CX3CR1: variants seen among roughly 807,000 people sequenced by gnomAD.
The protein encoded by CX3CR1 is CX3C chemokine receptor 1.
For synonymous variants in CX3CR1, 168 were observed against 178.5 expected (o/e 0.94, Z 0.47); for missense variants, 363 against 432.4 (o/e 0.84, Z 1.42).
intron 1 of CX3CR1, among the ~76,000 whole-genome samples, chr3:39,277,231 C>A (rs1285447332): frequency 6.6e-6 from 1 of 152,178 alleles, no homozygotes; most frequent in East Asian, 1.9e-4. Flanking sequence ...CAGCTGTGGC[C>A]AGCGTGCCGT....
At chr3:39,279,839 A>C (rs1007481078) in intron 1 of CX3CR1, 115 bp downstream of exon 1, 2 of 324,018 alleles carry the variant, frequency 6.2e-6, no homozygotes, top group Non-Finnish European at 8.9e-6. Flanking sequence ...AGGCTACAAC[A>C]TCCCCAGGAA....
rs2040689184 is a variant in CX3CR1 at position 39,265,881 on chromosome 3, C to A, written c.629G>T (p.Cys210Phe). Residue 210 changes from cysteine (C) to phenylalanine (F), a missense_variant, in exon 2 of 2, where the codon TGC becomes TTC. By Grantham distance (205) the Cys-to-Phe change is radical (BLOSUM62 -2). Coordinates refer to ENST00000399220, the MANE Select transcript of CX3CR1 (RefSeq NM_001337.4). ...FLLPLLIMSY[C>F]YFRIIQTLFS... ...CAGCGTCTGGATGATTCTGAAGTAG[C>A]AATAACTCATAATGAGCAGGGGGAG... 6.2e-7 allele frequency: 1 copy of A among 1,614,092 alleles called. No individual in the cohort carries two copies. Among genetic ancestry groups the A allele is most frequent in the African/African-American group, 1.3e-5 (1 of 74,918 alleles).
Position 39,266,412 on chromosome 3 carries a change from A to G in CX3CR1, c.98T>C (p.Phe33Ser). 1 of 1,614,222 alleles carries G rather than the reference A, an allele frequency of 6.2e-7. No individual in the cohort carries two copies. The highest frequency in any genetic ancestry group is 1.1e-5 in the South Asian group (1 of 91,082). ...GATGACGGAGTAGAATATGGACAGG[A>G]ACACAGTCCCAAAGACCACGATGTC... is the stretch of plus-strand genomic sequence containing the variant. ...IGDIVVFGTV[F>S]LSIFYSVIFA... Residue 33 changes from phenylalanine to serine, a missense_variant, in exon 2 of 2, where the codon TTC becomes TCC. By Grantham distance (155) the Phe-to-Ser change is radical (BLOSUM62 -2). Transcript: ENST00000399220.
At chr3:39,278,678 A>C (rs1450412792) in intron 1 of CX3CR1, among the ~76,000 whole-genome samples, 6 of 84,124 alleles carry the variant, frequency 7.1e-5, no homozygotes, top group African/African-American at 2.4e-4. Flanking sequence ...TTTTTTGTGG[A>C]GTGGGTGTTG....
intron 1 of CX3CR1, among the ~76,000 whole-genome samples, chr3:39,273,166 C>T (rs757384638): frequency 2.6e-5 from 4 of 152,236 alleles, no homozygotes; most frequent in African/African-American, 4.8e-5. Context: ...AATAGTAGAC[C>T]CAGGCCCCTT....
chr3:39,289,781 C>T, the CX3CR1 span, among the ~76,000 whole-genome samples: 1 of 152,118 alleles, frequency 6.6e-6, no homozygotes, highest in Non-Finnish European at 1.5e-5. Flanking sequence ...TCCAACAGGA[C>T]TGGTGTCCTT....
upstream of CX3CR1, chr3:39,280,080 A>C: frequency 1.0e-6 from 1 of 979,572 alleles, no homozygotes; most frequent in Non-Finnish European, 1.2e-6. Context: ...GAGTTAGCCA[A>C]TAGTATCTTG....
At chr3:39,285,944 C>T (rs1166422718), upstream of CX3CR1, 1 of 152,166 alleles carries the variant, frequency 6.6e-6, no homozygotes, top group Non-Finnish European at 1.5e-5. Context: ...AGCTTTAAAA[C>T]AGCCTTTTCT....
chr3:39,264,728 G>A lies in CX3CR1; in HGVS notation c.*714C>T, dbSNP rs11710546. 0.22 allele frequency: 33,551 copies of A among 152,396 alleles called. 4,122 individuals carry two copies. Among genetic ancestry groups the A allele is most frequent in the Middle Eastern group, 0.3 (89 of 294 alleles). The allele number at this position is 152,396 out of a possible 1,614,324, so 9.4% of individuals were successfully genotyped here. ...ACGAGGCTGGTGTAATCAGGGGAGAGGCTGGATCAGGCACATGGTAAGGGT... is the reference window on the plus strand; with the variant it reads ...ACGAGGCTGGTGTAATCAGGGGAGAAGCTGGATCAGGCACATGGTAAGGGT... On this transcript the variant is annotated 3_prime_UTR_variant, in exon 2 of 2. Transcript: ENST00000399220.
At chr3:39,278,463 C>T (rs888020289) in intron 1 of CX3CR1, among the ~76,000 whole-genome samples, 1 of 152,096 alleles carries the variant, frequency 6.6e-6, no homozygotes, top group South Asian at 2.1e-4. Flanking sequence ...AGCACAGGTC[C>T]GTCACCCACC....
In CX3CR1 at chr3:39,266,530, A is replaced by C; in HGVS notation, c.-9-12T>G. On this transcript the variant is annotated splice_polypyrimidine_tract_variant and intron_variant, in intron 1 of 1. Transcript: ENST00000399220. ...TCCATGGTGAAGGCCTGGATCAGAAAGAAAAACAAGTAACTGTGTTAGTTA... is the reference window on the plus strand; with the variant it reads ...TCCATGGTGAAGGCCTGGATCAGAACGAAAAACAAGTAACTGTGTTAGTTA... The C allele has an allele frequency of 6.2e-7, 1 of 1,612,620 alleles. No individual in the cohort carries two copies. The highest frequency in any genetic ancestry group is 1.3e-5 in the African/African-American group (1 of 75,024).
chr3:39,272,584 C>T (rs2040791383), intron 1 of CX3CR1, among the ~76,000 whole-genome samples: 1 of 152,184 alleles, frequency 6.6e-6, no homozygotes, highest in Non-Finnish European at 1.5e-5. Context: ...TTCTCCCTCT[C>T]TTTTGGCTTC....
chr3:39,275,603 GT>G (rs1473092190), intron 1 of CX3CR1, among the ~76,000 whole-genome samples: 4 of 152,290 alleles, frequency 2.6e-5, no homozygotes, highest in South Asian at 4.1e-4. Flanking sequence ...ATTTCTTTCT[GT>G]TCTTGCAACC....
chr3:39,280,489 C>T (rs181634450), upstream of CX3CR1: 2 of 980,332 alleles, frequency 2.0e-6, no homozygotes, highest in East Asian at 1.1e-4. Flanking sequence ...CAAGCCCTGC[C>T]CTATATCTGC....
upstream of CX3CR1, among the ~76,000 whole-genome samples, chr3:39,282,361 G>A (rs1357316787): frequency 6.6e-6 from 1 of 152,052 alleles, no homozygotes; most frequent in Non-Finnish European, 1.5e-5. Context: ...TTAGATCCCC[G>A]TCTTCATCTC....
At chr3:39,278,698 T>C (rs1349298665) in intron 1 of CX3CR1, among the ~76,000 whole-genome samples, 3 of 129,756 alleles carry the variant, frequency 2.3e-5, no homozygotes, top group Admixed American at 9.0e-5. Flanking sequence ...GAAAGAATCC[T>C]AAACTTTCTT....
intron 1 of CX3CR1, among the ~76,000 whole-genome samples, chr3:39,273,150 A>G (rs1212118666): frequency 1.3e-5 from 2 of 152,256 alleles, no homozygotes; most frequent in African/African-American, 4.8e-5. Flanking sequence ...TCGAAGTAGA[A>G]CTGAAAATAG....
chr3:39,281,498 G>C, upstream of CX3CR1: 1 of 967,382 alleles, frequency 1.0e-6, no homozygotes, highest in Non-Finnish European at 1.6e-6. Context: ...CCCCACATCA[G>C]TAATCCCCTC....
At chr3:39,288,559 G>T in the CX3CR1 span, among the ~76,000 whole-genome samples, 3 of 152,222 alleles carry the variant, frequency 2.0e-5, no homozygotes, top group Non-Finnish European at 4.4e-5. Flanking sequence ...GGAGCAGCAG[G>T]CGGAGCAGCC....
Sources: gnomAD v4.1 joint callset for allele counts (sites outside exome capture counted in the v4.1 genomes callset) on GRCh38, gnomAD v4.1.1 for gene constraint, MANE v1.5 for transcripts, NCBI Gene and HGNC (gene_info 2026-07-23, HGNC 2026-07-21) for gene names.